C1orf21: variants seen among roughly 807,000 people sequenced by gnomAD.
C1orf21 encodes chromosome 1 open reading frame 21.
Under a neutral mutation model 18.7 loss-of-function variants are expected in C1orf21, and 3 were observed. That is an observed-to-expected ratio of 0.16 (90% CI 0.07 to 0.42). C1orf21 has a LOEUF of 0.42. C1orf21 is among the 10% of genes least tolerant of loss of function. C1orf21 has a pLI of 0.99. For missense variants in C1orf21, 104 were observed against 143.6 expected (o/e 0.72, Z 1.41); for synonymous variants, 41 against 46.4 (o/e 0.88, Z 0.47).
chr1:184,584,133 CTTTT>C (rs386368968), intron 3 of C1orf21, among the ~76,000 whole-genome samples: 8 of 113,238 alleles, frequency 7.1e-5, no homozygotes, highest in East Asian at 2.6e-4. Flanking sequence ...TGTTCTTCTT[CTTTT>C]TTTTTTTTTT....
intron 3 of C1orf21, among the ~76,000 whole-genome samples, chr1:184,588,560 C>G (rs1184975306): frequency 1.3e-5 from 2 of 152,146 alleles, no homozygotes; most frequent in African/African-American, 4.8e-5. Flanking sequence ...AAGTGCTTCA[C>G]CGCTGTATGC....
chr1:184,612,077 G>A (rs1179029743), intron 5 of C1orf21, among the ~76,000 whole-genome samples: 1 of 152,136 alleles, frequency 6.6e-6, no homozygotes, highest in Admixed American at 6.5e-5. Context: ...CATTATCTCA[G>A]TGACTGTGTT....
chr1:184,586,981 A>T (rs1184016367), intron 3 of C1orf21, among the ~76,000 whole-genome samples: 3 of 152,222 alleles, frequency 2.0e-5, no homozygotes, highest in African/African-American at 7.2e-5. Context: ...GAAGGGGTCC[A>T]GTTTCAAGCT....
intron 3 of C1orf21, among the ~76,000 whole-genome samples, chr1:184,574,868 C>T (rs1429888609): frequency 1.3e-5 from 2 of 152,202 alleles, no homozygotes; most frequent in African/African-American, 2.4e-5. Flanking sequence ...TGTCGGGCTG[C>T]GGAGGGCCCA....
intron 2 of C1orf21, among the ~76,000 whole-genome samples, chr1:184,495,211 C>T (rs1223651900): frequency 6.6e-6 from 1 of 152,104 alleles, no homozygotes; most frequent in Non-Finnish European, 1.5e-5. Flanking sequence ...CTGGCTCTTG[C>T]CTTCCCCCCG....
At chr1:184,609,346 AAGG>A (rs1394997298) in intron 5 of C1orf21, among the ~76,000 whole-genome samples, 1 of 152,178 alleles carries the variant, frequency 6.6e-6, no homozygotes, top group Admixed American at 6.5e-5. Flanking sequence ...ACTGTAATGA[AAGG>A]AGATGTGTGA....
chr1:184,407,710 G>A (rs1656269453), intron 1 of C1orf21, among the ~76,000 whole-genome samples: 1 of 152,098 alleles, frequency 6.6e-6, no homozygotes, highest in Admixed American at 6.6e-5. Context: ...GGAGTGGTGG[G>A]GGAAGAGGAA....
At chr1:184,561,967 A>T (rs1658971583) in intron 3 of C1orf21, among the ~76,000 whole-genome samples, 3 of 151,660 alleles carry the variant, frequency 2.0e-5, no homozygotes, top group Admixed American at 2.0e-4. Flanking sequence ...CTTTTTTAAA[A>T]TTATCTAAGA....
intron 1 of C1orf21, among the ~76,000 whole-genome samples, chr1:184,425,495 C>G (rs925446777): frequency 2.6e-5 from 4 of 152,072 alleles, no homozygotes; most frequent in African/African-American, 9.7e-5. Flanking sequence ...CTCCTGGGCT[C>G]AAGCAATTTT....
chr1:184,548,927 T>C (rs568762721), intron 3 of C1orf21, among the ~76,000 whole-genome samples: 5 of 152,196 alleles, frequency 3.3e-5, no homozygotes, highest in Non-Finnish European at 7.3e-5. Context: ...TATATCTTCT[T>C]ATTTAATACA....
At chr1:184,567,560 C>T (rs183764740) in intron 3 of C1orf21, 277 of 500,090 alleles carry the variant, frequency 5.5e-4, no homozygotes, top group Non-Finnish European at 9.1e-4. Context: ...TGTGATCAGC[C>T]TCCCTCTGGA....
At chr1:184,578,743 G>C (rs140601863) in intron 3 of C1orf21, among the ~76,000 whole-genome samples, 2 of 152,284 alleles carry the variant, frequency 1.3e-5, no homozygotes, top group Non-Finnish European at 2.9e-5. Flanking sequence ...TAGTTAGATA[G>C]TTCTGTGATC....
chr1:184,585,969 T>C (rs995559529), intron 3 of C1orf21, among the ~76,000 whole-genome samples: 1 of 152,216 alleles, frequency 6.6e-6, no homozygotes, highest in Non-Finnish European at 1.5e-5. Flanking sequence ...TTTATATTCC[T>C]TTGGGTATAT....
At chr1:184,450,060 A>G (rs989030624) in intron 1 of C1orf21, among the ~76,000 whole-genome samples, 2 of 152,134 alleles carry the variant, frequency 1.3e-5, no homozygotes, top group Admixed American at 6.6e-5. Context: ...GGTGTCTTCA[A>G]TTCCAGGTGT....
chr1:184,426,176 GT>G (rs1656634254), intron 1 of C1orf21, among the ~76,000 whole-genome samples: 1 of 152,226 alleles, frequency 6.6e-6, no homozygotes, highest in Non-Finnish European at 1.5e-5. Flanking sequence ...CTCTGGCGTT[GT>G]TTTATGTAAT....
At chr1:184,401,156 G>C (rs1656144038) in intron 1 of C1orf21, among the ~76,000 whole-genome samples, 1 of 152,000 alleles carries the variant, frequency 6.6e-6, no homozygotes, top group Non-Finnish European at 1.5e-5. Context: ...TCTATGAACA[G>C]TTTCTTCATA....
At chr1:184,575,435 C>G (rs902974300) in intron 3 of C1orf21, among the ~76,000 whole-genome samples, 4 of 151,942 alleles carry the variant, frequency 2.6e-5, no homozygotes, top group African/African-American at 9.7e-5. Flanking sequence ...TTTACTCTGA[C>G]TTCTGATGGG....
intron 1 of C1orf21, among the ~76,000 whole-genome samples, chr1:184,431,801 T>C (rs1182532619): frequency 2.0e-5 from 3 of 151,674 alleles, no homozygotes; most frequent in Non-Finnish European, 4.4e-5. Flanking sequence ...CATCAAAAAG[T>C]GGCCAGGAAC....
chr1:184,599,445 A>C (rs1659558164), intron 5 of C1orf21: 1 of 152,196 alleles, frequency 6.6e-6, no homozygotes, highest in Admixed American at 6.5e-5. Context: ...CCACTTTGAC[A>C]TGGACCCTCT....
Sources: allele counts gnomAD v4.1 joint callset (sites outside exome capture counted in the v4.1 genomes callset), GRCh38; gene constraint gnomAD v4.1.1; transcripts MANE v1.5; gene names NCBI Gene and HGNC (gene_info 2026-07-23, HGNC 2026-07-21).